Variants in PADI1 observed in about 807,000 individuals in gnomAD.
PADI1 encodes the protein peptidyl arginine deiminase 1.
Under a neutral mutation model 74.8 loss-of-function variants are expected in PADI1, and 65 were observed. The observed-to-expected ratio is 0.87, with a 90% CI of 0.71 to 1.07. The LOEUF is 1.07. Ranked by LOEUF, PADI1 falls within the 50% of genes least tolerant of loss-of-function variation. The pLI is 0.00. For missense variants in PADI1, 943 were observed against 854.0 expected (o/e 1.10, Z -1.30); for synonymous variants, 371 against 336.2 (o/e 1.10, Z -1.13).
rs2072867030 is a variant in PADI1 at position 17,245,607 on chromosome 1, CA to C, written c.*1368del. The C allele has an allele frequency of 6.6e-6, 1 of 152,230 alleles. No homozygotes were observed. The highest frequency in any genetic ancestry group is 2.4e-5 in the African/African-American group (1 of 41,456). 9.4% of individuals were successfully genotyped at this position (152,230 alleles called of 1,614,324 possible). A position where few individuals can be genotyped will look rare whatever the true frequency, so the allele number is the denominator to read the frequency against. ...CAACTACTGTCACTGTTTTAACCAA[CA>C]AAAGCTAGCCTGGAACTGCTATGGT... On this transcript the variant is annotated 3_prime_UTR_variant, in exon 16 of 16. Coordinates refer to ENST00000375471, the MANE Select transcript of PADI1 (RefSeq NM_013358.3). The surrounding 1 kb of genome is among the most constrained non-coding windows in gnomAD (Gnocchi z 4.1).
Position 17,205,142 on chromosome 1 carries a change from T to C in PADI1, c.-76T>C, listed in dbSNP as rs1569721354. On this transcript the variant is annotated 5_prime_UTR_variant, in exon 1 of 16. Transcript: ENST00000375471. ...ACCAGTCCATCAGAACTCACACTTC[T>C]TCCTGGCAAAGAAGTGCCCAGGACG... 3 of 1,195,808 alleles carry C rather than the reference T, an allele frequency of 2.5e-6. No homozygotes were observed. Among genetic ancestry groups the C allele is most frequent in the East Asian group, 2.4e-5 (1 of 41,210 alleles). 74.1% of individuals were successfully genotyped at this position (1,195,808 alleles called of 1,614,324 possible). A position where few individuals can be genotyped will look rare whatever the true frequency, so the allele number is the denominator to read the frequency against.
chr1:17,212,440 C>T (rs551289528), intron 1 of PADI1, among the ~76,000 whole-genome samples: 1 of 152,006 alleles, frequency 6.6e-6, no homozygotes, highest in South Asian at 2.1e-4. Flanking sequence ...CCCCCACCCC[C>T]ACCCACTCAG....
intron 1 of PADI1, among the ~76,000 whole-genome samples, chr1:17,206,202 G>A (rs1466132339): frequency 1.3e-5 from 2 of 152,310 alleles, no homozygotes; most frequent in East Asian, 1.9e-4. Context: ...GAGGAGCTGG[G>A]TGCTGGGGGT....
rs564585767 is a variant in PADI1 at position 17,217,490 on chromosome 1, C to T, written c.93-4800C>T. Among the ~76,000 whole-genome samples, 67 of 152,258 alleles carry T rather than the reference C, an allele frequency of 4.4e-4. No homozygotes were observed. The South Asian group carries it at 8.9e-3, about 20-fold the overall frequency. On this transcript the variant is annotated intron_variant, in intron 1 of 15. Transcript: ENST00000375471. Reference sequence around the variant, plus strand: ...GTGGCAATGTACCAGGGTCCTTCCTCAAGGAGATCTGATTGTTTAATTTTT... The same window carrying T: ...GTGGCAATGTACCAGGGTCCTTCCTTAAGGAGATCTGATTGTTTAATTTTT...
intron 1 of PADI1, among the ~76,000 whole-genome samples, chr1:17,206,136 C>T (rs1323839160): frequency 6.6e-6 from 1 of 152,192 alleles, no homozygotes; most frequent in Non-Finnish European, 1.5e-5. Flanking sequence ...CCTGCTGGAG[C>T]AGGTGGGGCT....
chr1:17,244,310 A>G lies in PADI1; in HGVS notation c.*67A>G. ...AACCCTGCCAGGGTGAAGGCAAGGA[A>G]CAACCACCTGGCCTCCATTCTCTTG... On this transcript the variant is annotated 3_prime_UTR_variant, in exon 16 of 16. Coordinates refer to ENST00000375471, the MANE Select transcript of PADI1 (RefSeq NM_013358.3). The G allele has an allele frequency of 8.4e-7, 1 of 1,187,990 alleles. No homozygotes were observed. The highest frequency in any genetic ancestry group is 1.3e-6 in the Non-Finnish European group (1 of 792,986). 73.6% of individuals were successfully genotyped at this position (1,187,990 alleles called of 1,614,324 possible).
In PADI1 at chr1:17,210,819, A is replaced by G. The variant is rs564821423; in HGVS notation, c.92+5510A>G. Among the ~76,000 whole-genome samples the G allele has an allele frequency of 7.9e-5, 12 of 152,258 alleles. No homozygotes were observed. In the South Asian group the frequency reaches 2.5e-3, roughly 32 times the overall value. On this transcript the variant is annotated intron_variant, in intron 1 of 15. Transcript: ENST00000375471. ...GAAAGCTAAAGCCAGGGTTGCAGCC[A>G]GGGGACTGGGGGTTGGAGCTGCCCC...
chr1:17,243,837 C>T (rs2072825385), intron 15 of PADI1, among the ~76,000 whole-genome samples, 173 bp from the exon 16 acceptor site: 2 of 152,208 alleles, frequency 1.3e-5, no homozygotes, highest in Admixed American at 6.5e-5. Context: ...TCTTTTTCTC[C>T]TCTGCTTTCA....
intron 1 of PADI1, among the ~76,000 whole-genome samples, chr1:17,207,344 T>C (rs1461998990): frequency 2.6e-5 from 4 of 152,040 alleles, no homozygotes; most frequent in Admixed American, 6.6e-5. Flanking sequence ...GACCCTGGAG[T>C]TGAACACACT....
At chr1:17,212,998 A>AT (rs2071874011) in intron 1 of PADI1, among the ~76,000 whole-genome samples, 1 of 152,190 alleles carries the variant, frequency 6.6e-6, no homozygotes, top group Non-Finnish European at 1.5e-5. Flanking sequence ...CTCTCAACAC[A>AT]TTCCTGTTTC....
At chr1:17,207,212 C>A (rs2071708554) in intron 1 of PADI1, among the ~76,000 whole-genome samples, 1 of 152,188 alleles carries the variant, frequency 6.6e-6, no homozygotes, top group African/African-American at 2.4e-5. Context: ...TTAGCTCTGC[C>A]ACTGACTTCC....
chr1:17,245,201 G>A lies in PADI1; in HGVS notation c.*958G>A, dbSNP rs551761208. On this transcript the variant is annotated 3_prime_UTR_variant, in exon 16 of 16. Coordinates refer to ENST00000375471, the MANE Select transcript of PADI1 (RefSeq NM_013358.3). This position sits in a 1 kb window ranked among gnomAD's most constrained non-coding sequence, Gnocchi z 4.1. ...GGGAGGAAATTAGGTTATCTCTGAA[G>A]GTGGAGTTTAATTTCCTTTAATAGT... 2.0e-5 allele frequency: 3 copies of A among 152,782 alleles called. No homozygotes were observed. Among genetic ancestry groups the A allele is most frequent in the African/African-American group, 7.2e-5 (3 of 41,560 alleles). 9.5% of individuals were successfully genotyped at this position (152,782 alleles called of 1,614,324 possible).
chr1:17,244,040 G>A lies in PADI1; in HGVS notation c.1789G>A (p.Gly597Ser), dbSNP rs753398336. Residue 597 changes from glycine (G) to serine (S), a missense_variant, in exon 16 of 16, where the codon GGC (glycine) becomes AGC (serine). By Grantham distance (56) the Gly-to-Ser change is moderately conservative. Coordinates refer to ENST00000375471, the MANE Select transcript of PADI1 (RefSeq NM_013358.3). Reference protein sequence around the residue: ...VNMVVLGKYLGIPKPYGPIIN... With the variant: ...VNMVVLGKYLSIPKPYGPIIN... ...CATGGTGGTCTTAGGCAAGTACCTG[G>A]GCATCCCCAAGCCCTACGGGCCCAT... is the stretch of plus-strand genomic sequence containing the variant. The A allele has an allele frequency of 7.4e-6, 12 of 1,614,076 alleles. No individual in the cohort carries two copies. The highest frequency in any genetic ancestry group is 1.0e-5 in the Non-Finnish European group (12 of 1,179,990).
At chr1:17,234,640 G>A (rs1185300561) in intron 11 of PADI1, among the ~76,000 whole-genome samples, 2 of 152,178 alleles carry the variant, frequency 1.3e-5, no homozygotes, top group African/African-American at 4.8e-5. Flanking sequence ...TAAGTTACGT[G>A]CATTCTTTCA....
rs16824215 is a variant in PADI1 at position 17,244,196 on chromosome 1, G to A, written c.1945G>A (p.Val649Met). Residue 649 changes from valine to methionine, a missense_variant, in exon 16 of 16, where the codon GTG (valine) becomes ATG (methionine). By Grantham distance (21) the Val-to-Met change is conservative (BLOSUM62 1). Transcript: ENST00000375471. ...GGGGGAGATCCACTGTGGCACCAACGTGCGCAGGAAGCCCTTTCCCTTCAA... is the reference window on the plus strand; with the variant it reads ...GGGGGAGATCCACTGTGGCACCAACATGCGCAGGAAGCCCTTTCCCTTCAA... ...LQGEIHCGTN[V>M]RRKPFPFKWW... 7,662 of 1,614,108 alleles carry A rather than the reference G, an allele frequency of 4.7e-3. 338 individuals are homozygous for A. In the African/African-American group the frequency reaches 0.091, roughly 19 times the overall value.
chr1:17,240,098 G>T, intron 14 of PADI1: 1 of 357,030 alleles, frequency 2.8e-6, no homozygotes, highest in Non-Finnish European at 5.3e-6. Flanking sequence ...GACACGGTGG[G>T]GAAATAGGAC....
At chr1:17,243,932 C>A in intron 15 of PADI1, 78 bp from the exon 16 acceptor site, 1 of 1,005,768 alleles carries the variant, frequency 9.9e-7, no homozygotes, top group South Asian at 1.5e-5. Flanking sequence ...GGGCCTGTCT[C>A]ATTCTGGCAA....
At position 17,222,297 on chromosome 1, in the gene PADI1, C is replaced by T. The variant is rs780722116; in HGVS notation, c.100C>T (p.Pro34Ser). Residue 34 changes from proline (P) to serine (S), a missense_variant, in exon 2 of 16, where the codon CCC becomes TCC. Physicochemically the swap from Pro to Ser is moderately conservative, Grantham distance 74 (BLOSUM62 -1). Coordinates refer to ENST00000375471, the MANE Select transcript of PADI1 (RefSeq NM_013358.3). ...ATCTCTCTTCTCTGCCAGTGATGTG[C>T]CCAAGGGTGCCAACAGCTTCAGGGT... ...EAHVDIHSDVPKGANSFRVSG... is the reference protein window; with the variant it reads ...EAHVDIHSDVSKGANSFRVSG... 6.2e-7 allele frequency: 1 copy of T among 1,613,370 alleles called. No individual in the cohort carries two copies. Among genetic ancestry groups the T allele is most frequent in the Non-Finnish European group, 8.5e-7 (1 of 1,179,378 alleles).
chr1:17,212,735 C>T (rs371463589), intron 1 of PADI1, among the ~76,000 whole-genome samples: 3 of 152,190 alleles, frequency 2.0e-5, no homozygotes, highest in East Asian at 1.9e-4. Flanking sequence ...GGGGGCTGGC[C>T]GGGATGACCT....
Sources: allele counts gnomAD v4.1 joint callset (sites outside exome capture counted in the v4.1 genomes callset), GRCh38; gene constraint gnomAD v4.1.1; non-coding constraint Gnocchi (gnomAD v3.1); transcripts MANE v1.5; gene names NCBI Gene and HGNC (gene_info 2026-07-23, HGNC 2026-07-21).